Variants in ASTN1 observed in about 807,000 individuals in gnomAD.
ASTN1 encodes the protein astrotactin-1.
ASTN1 carries 41 observed loss-of-function variants against 140.7 expected under a neutral mutation model. That is an observed-to-expected ratio of 0.29 (90% confidence interval 0.23 to 0.38). The LOEUF is 0.38. Among genes scored for constraint, ASTN1 ranks in the 10% least tolerant of loss-of-function variants. ASTN1 has a pLI of 1.00. For missense variants in ASTN1, 1,479 were observed against 1,678.8 expected, an observed-to-expected ratio of 0.88 and a Z score of 2.08; for synonymous variants, 640 against 652.2, an observed-to-expected ratio of 0.98 and a Z score of 0.29.
intron 8 of ASTN1, among the ~76,000 whole-genome samples, chr1:176,970,502 A>G (rs1673090580): frequency 1.3e-5 from 2 of 152,178 alleles, no homozygotes; most frequent in Admixed American, 6.5e-5. Flanking sequence ...ATGTCTGGTG[A>G]TAGGATTCCT....
chr1:177,017,645 T>C (rs982797460), intron 7 of ASTN1, among the ~76,000 whole-genome samples: 1 of 152,150 alleles, frequency 6.6e-6, no homozygotes, highest in Non-Finnish European at 1.5e-5. Context: ...GTGGTGTACA[T>C]AGGACTCCAA....
At chr1:177,145,482 C>A (rs1571847688) in intron 1 of ASTN1, among the ~76,000 whole-genome samples, 1 of 152,276 alleles carries the variant, frequency 6.6e-6, no homozygotes, top group South Asian at 2.1e-4. Context: ...TCCTTTCTGA[C>A]CCATAGAAAT....
At chr1:177,048,594 C>T (rs962383391) in intron 2 of ASTN1, among the ~76,000 whole-genome samples, 3 of 152,166 alleles carry the variant, frequency 2.0e-5, no homozygotes, top group Admixed American at 6.5e-5. Context: ...ATGTCTCCTT[C>T]CGGGAGTATT....
intron 16 of ASTN1, among the ~76,000 whole-genome samples, chr1:176,905,595 T>C (rs1046854508): frequency 2.6e-5 from 4 of 152,278 alleles, no homozygotes; most frequent in African/African-American, 7.2e-5. Context: ...CATTTAGCTT[T>C]GCCTCACTGA....
Position 176,862,932 on chromosome 1 carries a change from G to C in ASTN1, c.*1352C>G. 1.6e-5 allele frequency: 16 copies of C among 985,456 alleles called. No homozygotes were observed. The highest frequency in any genetic ancestry group is 1.9e-5 in the Non-Finnish European group (16 of 829,956). 61.0% of individuals were successfully genotyped at this position (985,456 alleles called of 1,614,324 possible). On this transcript the variant is annotated 3_prime_UTR_variant, in exon 23 of 23. Transcript: ENST00000361833. ...TTCCAGATGAGGAGCCCTGGTCAAA[G>C]GCATGGTGGCTGAAGGTGTGTGTTC...
intron 1 of ASTN1, among the ~76,000 whole-genome samples, chr1:177,143,302 GA>G (rs942067979): frequency 2.6e-5 from 4 of 152,192 alleles, no homozygotes; most frequent in Non-Finnish European, 5.9e-5. Context: ...GTCTTTGGAA[GA>G]ACATTAACTT....
At chr1:177,144,275 C>G (rs559235671) in intron 1 of ASTN1, among the ~76,000 whole-genome samples, 2 of 145,692 alleles carry the variant, frequency 1.4e-5, no homozygotes, top group South Asian at 4.3e-4. Context: ...TTTTCTGAGA[C>G]GAAGTCTTGC....
chr1:177,078,542 AAAC>A (rs1247812175), intron 1 of ASTN1, among the ~76,000 whole-genome samples: 1 of 152,210 alleles, frequency 6.6e-6, no homozygotes, highest in Non-Finnish European at 1.5e-5. Flanking sequence ...TTCCCTCAAA[AAAC>A]AACAAGTAAA....
intron 11 of ASTN1, 103 bp from the exon 12 acceptor site, chr1:176,949,454 G>T: frequency 1.6e-6 from 2 of 1,258,138 alleles, no homozygotes; most frequent in Non-Finnish European, 1.1e-6. Context: ...ACTCAGCCTT[G>T]AAACTATTAA....
At position 176,869,125 on chromosome 1, in the gene ASTN1, A is replaced by C. The variant is rs552950435; in HGVS notation, c.3464-98T>G. On this transcript the variant is annotated intron_variant, in intron 21 of 22. Transcript: ENST00000361833. The stretch of plus-strand genomic sequence containing the variant: ...ATGATCTATATCATATAGACATATC[A>C]CATATAAACATATGTAGATCATTTA... 3.1e-3 allele frequency: 2,428 copies of C among 787,578 alleles called. 53 individuals carry two copies. The African/African-American group carries it at 0.038, about 12-fold the overall frequency. The allele number at this position is 787,578 out of a possible 1,614,324, so 48.8% of individuals were successfully genotyped here.
chr1:177,138,780 C>T (rs1682320393), intron 1 of ASTN1, among the ~76,000 whole-genome samples: 2 of 152,112 alleles, frequency 1.3e-5, no homozygotes, highest in East Asian at 3.9e-4. Context: ...AGGCACAGGA[C>T]AGGGTGCAGC....
chr1:177,004,557 T>A (rs1674902960), intron 8 of ASTN1, among the ~76,000 whole-genome samples: 1 of 152,142 alleles, frequency 6.6e-6, no homozygotes, highest in East Asian at 1.9e-4. Flanking sequence ...TCTTGATGCA[T>A]CATATTACCT....
Position 177,030,972 on chromosome 1 carries a change from G to A in ASTN1, c.866-20C>T. The A allele has an allele frequency of 1.3e-6, 2 of 1,596,270 alleles. No homozygotes were observed. Among genetic ancestry groups the A allele is most frequent in the Non-Finnish European group, 8.5e-7 (1 of 1,170,246 alleles). On this transcript the variant is annotated intron_variant, in intron 3 of 22. Coordinates refer to ENST00000361833, the MANE Select transcript of ASTN1 (RefSeq NM_004319.3). ...CACTTCCTGTATAAGGAAAAGACGAGGCAAAAACTTTAAGAGAAAAGACCA... is the reference window on the plus strand; with the variant it reads ...CACTTCCTGTATAAGGAAAAGACGAAGCAAAAACTTTAAGAGAAAAGACCA...
chr1:177,017,008 T>C (rs1675576987), intron 7 of ASTN1, among the ~76,000 whole-genome samples: 1 of 152,200 alleles, frequency 6.6e-6, no homozygotes, highest in African/African-American at 2.4e-5. Flanking sequence ...GAATTAGGGA[T>C]TGACAAAAAT....
chr1:177,045,701 C>A (rs111286019), intron 2 of ASTN1, among the ~76,000 whole-genome samples: 3 of 152,322 alleles, frequency 2.0e-5, no homozygotes, highest in Non-Finnish European at 2.9e-5. Flanking sequence ...CTTTAGCCAG[C>A]ATTTGTGAGA....
Position 176,861,703 on chromosome 1 carries a change from T to C in ASTN1, c.*2581A>G, listed in dbSNP as rs1317235196. On this transcript the variant is annotated 3_prime_UTR_variant, in exon 23 of 23. Transcript: ENST00000361833. Reference sequence around the variant, plus strand: ...GTGCACACGTGTGTGTGTGTGTACATACATACACACATTCAGTGGGGAGAA... The same window carrying C: ...GTGCACACGTGTGTGTGTGTGTACACACATACACACATTCAGTGGGGAGAA... 5.1e-6 allele frequency: 5 copies of C among 985,206 alleles called. No individual in the cohort carries two copies. Among genetic ancestry groups the C allele is most frequent in the Non-Finnish European group, 6.0e-6 (5 of 829,898 alleles). The allele number at this position is 985,206 out of a possible 1,614,324, so 61.0% of individuals were successfully genotyped here.
intron 16 of ASTN1, among the ~76,000 whole-genome samples, chr1:176,917,464 C>T (rs1464301861): frequency 3.9e-5 from 6 of 152,172 alleles, no homozygotes; most frequent in East Asian, 1.9e-4. Flanking sequence ...CGTGGGAAGA[C>T]GTGCTTATCC....
chr1:176,945,337 AAAC>A (rs1258972674), intron 13 of ASTN1, among the ~76,000 whole-genome samples: 1 of 152,232 alleles, frequency 6.6e-6, no homozygotes, highest in Non-Finnish European at 1.5e-5. Context: ...ATTCACGTAA[AAAC>A]AATGAATTCA....
intron 1 of ASTN1, among the ~76,000 whole-genome samples, chr1:177,095,306 C>T (rs1181217791): frequency 6.6e-6 from 1 of 152,176 alleles, no homozygotes; most frequent in African/African-American, 2.4e-5. Flanking sequence ...AGCTAAGCAA[C>T]CTTTTCATAA....
Sources: gnomAD v4.1 joint callset for allele counts (sites outside exome capture counted in the v4.1 genomes callset) on GRCh38, gnomAD v4.1.1 for gene constraint, MANE v1.5 for transcripts, NCBI Gene and HGNC (gene_info 2026-07-23, HGNC 2026-07-21) for gene names.